DNHD1: variants seen among roughly 807,000 people sequenced by gnomAD.
The protein encoded by DNHD1 is dynein heavy chain domain-containing protein 1.
In DNHD1, 383 loss-of-function variants were observed where a neutral mutation model predicts 458.1. That is an observed-to-expected ratio of 0.84 (90% CI 0.77 to 0.91). The LOEUF is 0.91. DNHD1 is among the 40% of genes least tolerant of loss of function. The probability of loss-of-function intolerance (pLI) is 0.00; values close to 1 mark genes in which losing one functional copy is unlikely to be tolerated. For missense variants in DNHD1, 5,336 were observed against 5,866.1 expected, an observed-to-expected ratio of 0.91 and a Z score of 2.95; for synonymous variants, 2,203 against 2,376.9, an observed-to-expected ratio of 0.93 and a Z score of 2.13.
In DNHD1 at chr11:6,547,082, C is replaced by T. The variant is rs1353619048; in HGVS notation, c.6143C>T (p.Ser2048Phe). Reference protein sequence around the residue: ...PQEFLGWLEGSCWHHGIFPKV... With the variant: ...PQEFLGWLEGFCWHHGIFPKV... ...GAGTTCCTGGGATGGCTAGAGGGCTCCTGCTGGCATCATGGCATCTTTCCC... is the reference window on the plus strand; with the variant it reads ...GAGTTCCTGGGATGGCTAGAGGGCTTCTGCTGGCATCATGGCATCTTTCCC... Residue 2048 changes from serine to phenylalanine, a missense_variant, in exon 21 of 43, where the codon TCC becomes TTC. By Grantham distance (155) the Ser-to-Phe change is radical (BLOSUM62 -2). This residue lies in a region of DNHD1 where 3,932 missense variants were observed against 4,365.6 expected (regional missense o/e 0.90). Coordinates refer to ENST00000254579, the MANE Select transcript of DNHD1 (RefSeq NM_144666.3). 6.4e-7 allele frequency: 1 copy of T among 1,551,602 alleles called. No homozygotes were observed.
In DNHD1 at chr11:6,559,071, A is replaced by G; in HGVS notation, c.9381A>G (p.Gln3127=). The change falls in exon 27 of 43, where the codon CAA becomes CAG. Residue 3127 remains glutamine (Q), a synonymous_variant. Coordinates refer to ENST00000254579, the MANE Select transcript of DNHD1 (RefSeq NM_144666.3). ...TGGACACTTTCCTGATGCTGCAGCA[A>G]CAGACAATCCTGAAGATTAAGAACA... ...DFLDTFLMLQ[Q]QTILKIKNKA... 1 of 1,551,658 alleles carries G rather than the reference A, an allele frequency of 6.4e-7. No homozygotes were observed. Among genetic ancestry groups the G allele is most frequent in the Non-Finnish European group, 8.7e-7 (1 of 1,146,972 alleles).
In DNHD1 at chr11:6,563,085, G is replaced by A; in HGVS notation, c.9623G>A (p.Arg3208Lys). The A allele has an allele frequency of 6.4e-7, 1 of 1,551,662 alleles. No individual in the cohort carries two copies. The highest frequency in any genetic ancestry group is 8.7e-7 in the Non-Finnish European group (1 of 1,146,978). ...HQENLIENLA[R>K]QRDALQAQRE... Reference sequence around the variant, plus strand: ...GAGAACCTCATTGAGAACCTGGCCAGGCAACGGGATGCCCTGCAAGCTCAG... The same window carrying A: ...GAGAACCTCATTGAGAACCTGGCCAAGCAACGGGATGCCCTGCAAGCTCAG... Residue 3208 changes from arginine (R) to lysine (K), a missense_variant, in exon 29 of 43, where the codon AGG becomes AAG. Arg to Lys is a conservative substitution (Grantham distance 26). Coordinates refer to ENST00000254579, the MANE Select transcript of DNHD1 (RefSeq NM_144666.3).
chr11:6,534,806 T>C (rs374471673), intron 14 of DNHD1, among the ~76,000 whole-genome samples: 1 of 152,168 alleles, frequency 6.6e-6, no homozygotes, highest in South Asian at 2.1e-4. Context: ...GAGTGCAGTG[T>C]CATGATCACA....
intron 18 of DNHD1, 133 bp downstream of exon 18, chr11:6,540,216 G>A (rs939800514): frequency 4.5e-5 from 34 of 752,364 alleles, no homozygotes; most frequent in Non-Finnish European, 7.3e-5. Flanking sequence ...TAAGACATTA[G>A]TCTGTTCTGA....
Position 6,568,048 on chromosome 11 carries a change from G to T in DNHD1, c.12352-8G>T. The T allele has an allele frequency of 6.4e-7, 1 of 1,551,720 alleles. No homozygotes were observed. The highest frequency in any genetic ancestry group is 1.9e-5 in the Admixed American group (1 of 51,368). On this transcript the variant is annotated splice_region_variant and splice_polypyrimidine_tract_variant and intron_variant, in intron 36 of 42. Coordinates refer to ENST00000254579, the MANE Select transcript of DNHD1 (RefSeq NM_144666.3). Reference sequence around the variant, plus strand: ...GAGTCATGCTGCCATCTCTTTTTTGGTCCCCAGGGGCAGAAGCAACTGCAG... The same window carrying T: ...GAGTCATGCTGCCATCTCTTTTTTGTTCCCCAGGGGCAGAAGCAACTGCAG...
In DNHD1 at chr11:6,568,731, T is replaced by C. The variant is rs184037935; in HGVS notation, c.12728T>C (p.Ile4243Thr). The C allele has an allele frequency of 3.0e-4, 477 of 1,613,770 alleles. 1 individual carries two copies. The East Asian group carries it at 7.9e-3, about 27-fold the overall frequency. The stretch of plus-strand genomic sequence containing the variant: ...TCCCTGGAGCTGGGCCATGTTTTGA[T>C]TGACAGTGTGGAGCTAGCCCAGCAA... ...NQSLELGHVL[I>T]DSVELAQQVL... The change falls in exon 39 of 43, where the codon ATT becomes ACT. Residue 4243 changes from isoleucine (I) to threonine (T), a missense_variant. Physicochemically the swap from Ile to Thr is moderately conservative, Grantham distance 89. This residue lies in a region of DNHD1 where 695 missense variants were observed against 804.2 expected (regional missense o/e 0.86). Transcript: ENST00000254579.
intron 4 of DNHD1, among the ~76,000 whole-genome samples, chr11:6,506,259 G>A (rs1852226568): frequency 6.6e-6 from 1 of 152,184 alleles, no homozygotes; most frequent in African/African-American, 2.4e-5. Flanking sequence ...AACTAAATGA[G>A]CAAAAGTTGC....
rs1853267232 is a variant in DNHD1 at position 6,548,349 on chromosome 11, T to C, written c.7045T>C (p.Tyr2349His). The stretch of plus-strand genomic sequence containing the variant: ...AACACTGGTCCCCTTCACTGGCCAA[T>C]ACCTGAGCAGCCACATCAAAGGAAC... ...DGTLVPFTGQ[Y>H]LSSHIKGTLG... The change falls in exon 23 of 43, where the codon TAC becomes CAC. Residue 2349 changes from tyrosine to histidine, a missense_variant. Tyr to His is a moderately conservative substitution (Grantham distance 83). This residue lies in a region of DNHD1 where 3,932 missense variants were observed against 4,365.6 expected (regional missense o/e 0.90). Transcript: ENST00000254579. This position sits in a 1 kb window ranked among gnomAD's most constrained non-coding sequence, Gnocchi z 4.4. 5 of 1,551,530 alleles carry C rather than the reference T, an allele frequency of 3.2e-6. No homozygotes were observed. In the South Asian group the frequency reaches 3.6e-5, roughly 11 times the overall value.
rs764592878 is a variant in DNHD1, at chr11:6,557,201, G to A, written c.7906G>A (p.Val2636Ile). The A allele has an allele frequency of 4.6e-5, 72 of 1,551,546 alleles. No homozygotes were observed. The highest frequency in any genetic ancestry group is 1.2e-4 in the South Asian group (10 of 84,072). The stretch of plus-strand genomic sequence containing the variant: ...AGGCCTGCGAGGCACTTGTCTGACC[G>A]TTATGATGGCCACACGCAATGTGGT... ...VSGLRGTCLT[V>I]MMATRNVVRL... Residue 2636 changes from valine (V) to isoleucine (I), a missense_variant, in exon 25 of 43, where the codon GTT (valine) becomes ATT (isoleucine). Coordinates refer to ENST00000254579, the MANE Select transcript of DNHD1 (RefSeq NM_144666.3).
Position 6,533,870 on chromosome 11 carries a change from C to T in DNHD1, c.2695C>T (p.Leu899Phe), listed in dbSNP as rs1459413116. 1.9e-6 allele frequency: 3 copies of T among 1,550,522 alleles called. No individual in the cohort carries two copies. The African/African-American group carries it at 4.1e-5, about 21-fold the overall frequency. Reference protein sequence around the residue: ...PCPPPPQPHLLHCPLLAPQLL... With the variant: ...PCPPPPQPHLFHCPLLAPQLL... ...CCCTCCTCCCCCACAACCACATCTA[C>T]TCCACTGCCCTCTGCTTGCCCCACA... Residue 899 changes from leucine (L) to phenylalanine (F), a missense_variant, in exon 14 of 43, where the codon CTC becomes TTC. Physicochemically the swap from Leu to Phe is conservative, Grantham distance 22. Around this residue, in one of 4 missense-constraint regions of DNHD1, gnomAD observed 3,932 missense variants for 4,365.6 expected, o/e 0.90. Coordinates refer to ENST00000254579, the MANE Select transcript of DNHD1 (RefSeq NM_144666.3).
chr11:6,559,574 G>A (rs968364873), intron 28 of DNHD1, among the ~76,000 whole-genome samples: 2 of 152,208 alleles, frequency 1.3e-5, no homozygotes, highest in Non-Finnish European at 2.9e-5. Flanking sequence ...CAAGATCTCT[G>A]TAGATTCCCA....
At chr11:6,538,567 G>A (rs1219559638) in intron 15 of DNHD1, 45 bp from the exon 16 acceptor site, 2 of 1,551,006 alleles carry the variant, frequency 1.3e-6, no homozygotes, top group South Asian at 2.4e-5. Context: ...CAGTGGTGGG[G>A]GAGGGGAAGA....
At chr11:6,563,328 G>A (rs1589895420) in intron 29 of DNHD1, 54 bp from the exon 30 acceptor site, 2 of 1,539,824 alleles carry the variant, frequency 1.3e-6, no homozygotes, top group Admixed American at 3.9e-5. Flanking sequence ...ACACCTTGAA[G>A]GAAGAACAGA....
intron 24 of DNHD1, among the ~76,000 whole-genome samples, chr11:6,550,722 G>A (rs1176768278): frequency 2.0e-5 from 3 of 152,172 alleles, no homozygotes; most frequent in South Asian, 2.1e-4. Context: ...GGAAGTTGAT[G>A]TGGCAATATT....
At chr11:6,527,758 T>A (rs1236615468) in intron 10 of DNHD1, among the ~76,000 whole-genome samples, 1 of 152,190 alleles carries the variant, frequency 6.6e-6, no homozygotes, top group Admixed American at 6.5e-5. Context: ...ACTACAGGGT[T>A]TGGGTGTGGA....
chr11:6,515,779 AT>A (rs61095437), intron 7 of DNHD1, among the ~76,000 whole-genome samples: 4,785 of 108,292 alleles, frequency 0.044, 55 homozygotes, highest in African/African-American at 0.093. Flanking sequence ...CTATAGACAC[AT>A]TTTTTTTTTT....
intron 6 of DNHD1, among the ~76,000 whole-genome samples, chr11:6,510,336 C>T (rs775181408): frequency 6.6e-5 from 10 of 152,270 alleles, no homozygotes; most frequent in Non-Finnish European, 1.2e-4. Flanking sequence ...CCACCCACCT[C>T]GACCTCCCAA....
rs1390226188 is a variant in DNHD1, at chr11:6,545,712, C to G, written c.4773C>G (p.His1591Gln). ...HRDIAQLLEQ[H>Q]QVSDLTDFHW... is the part of the protein sequence containing the mutation. Reference sequence around the variant, plus strand: ...ATATAGCACAGCTGCTGGAACAGCACCAGGTCAGTGATCTCACAGACTTTC... The same window carrying G: ...ATATAGCACAGCTGCTGGAACAGCAGCAGGTCAGTGATCTCACAGACTTTC... The change falls in exon 21 of 43, where the codon CAC (histidine) becomes CAG (glutamine). Residue 1591 changes from histidine (H) to glutamine (Q), a missense_variant. His to Gln is a conservative substitution (Grantham distance 24). This residue lies in a region of DNHD1 where 3,932 missense variants were observed against 4,365.6 expected (regional missense o/e 0.90). Transcript: ENST00000254579. This position sits in a 1 kb window ranked among gnomAD's most constrained non-coding sequence, Gnocchi z 4.9. 4.5e-6 allele frequency: 7 copies of G among 1,551,678 alleles called. No individual in the cohort carries two copies. Among genetic ancestry groups the G allele is most frequent in the Non-Finnish European group, 6.1e-6 (7 of 1,146,990 alleles).
At chr11:6,568,642 T>A in intron 38 of DNHD1, 23 bp from the exon 39 acceptor site, 1 of 1,613,958 alleles carries the variant, frequency 6.2e-7, no homozygotes. Context: ...CTGTGCTGAC[T>A]CAGCACTCTC....
Sources: gnomAD v4.1 joint callset for allele counts (sites outside exome capture counted in the v4.1 genomes callset) on GRCh38, gnomAD v4.1.1 for gene constraint, gnomAD v4.1.1 regional missense constraint, Gnocchi (gnomAD v3.1) non-coding constraint, MANE v1.5 for transcripts, NCBI Gene and HGNC (gene_info 2026-07-23, HGNC 2026-07-21) for gene names.